MKLN1: variants seen among roughly 807,000 people sequenced by gnomAD.
The protein encoded by MKLN1 is muskelin.
In MKLN1, 18 loss-of-function variants were observed where a neutral mutation model predicts 99.0. The observed-to-expected ratio is 0.18, with a 90% CI of 0.13 to 0.27. The LOEUF is 0.27. Among genes scored for constraint, MKLN1 ranks in the 10% least tolerant of loss-of-function variants. The pLI, the probability that MKLN1 is intolerant of heterozygous loss-of-function variation, is 1.00. For synonymous variants in MKLN1, 288 were observed against 293.2 expected (o/e 0.98, Z 0.18); for missense variants, 621 against 875.9 (o/e 0.71, Z 3.67).
chr7:131,370,372 T>G (rs1800310281), intron 1 of MKLN1, among the ~76,000 whole-genome samples: 2 of 144,006 alleles, frequency 1.4e-5, no homozygotes, highest in African/African-American at 5.6e-5. Flanking sequence ...TTTAAAGTGT[T>G]TTTTTTTTTT....
chr7:131,136,882 C>T (rs901400235), intron 1 of MKLN1, among the ~76,000 whole-genome samples: 5 of 152,200 alleles, frequency 3.3e-5, no homozygotes, highest in Non-Finnish European at 7.3e-5. Context: ...AGCCCCAAAC[C>T]ACATTTGCGT....
chr7:131,232,298 A>G (rs1012597959), intron 3 of MKLN1, among the ~76,000 whole-genome samples: 9 of 152,226 alleles, frequency 5.9e-5, no homozygotes, highest in Non-Finnish European at 1.3e-4. Context: ...CAGTGATGTT[A>G]TTAAGTTTTT....
rs557823045 is a variant in MKLN1, at chr7:131,276,524, G to GA, written c.-179+73553dup. Among the ~76,000 whole-genome samples, 19 of 152,298 alleles carry GA rather than the reference G, an allele frequency of 1.2e-4. No individual in the cohort carries two copies. The South Asian group carries it at 3.9e-3, about 32-fold the overall frequency. ...TTCCAATGGCACATGAAAGGTGGGT[G>GA]AAAGTGATGTGTGTGTTGATTTGGG... On this transcript the variant is annotated intron_variant, in intron 3 of 7. Coordinates refer to the MKLN1 transcript ENST00000416992.
chr7:131,470,048 G>A (rs979598969), intron 15 of MKLN1, among the ~76,000 whole-genome samples: 2 of 151,974 alleles, frequency 1.3e-5, no homozygotes, highest in Non-Finnish European at 2.9e-5. Context: ...GCTAATTTTT[G>A]TAGAGATGGG....
intron 3 of MKLN1, among the ~76,000 whole-genome samples, chr7:131,308,944 A>G (rs1203517553): frequency 1.3e-5 from 2 of 152,216 alleles, no homozygotes; most frequent in Non-Finnish European, 2.9e-5. Flanking sequence ...CTCTGTAAAG[A>G]TGGTAGCTTG....
Position 131,494,360 on chromosome 7 carries a change from A to G in MKLN1, c.*6632A>G, listed in dbSNP as rs1464537090. ...ATAAATCTTTATAAATTCAGTTACAACAAAGGAGAGGATCCTACACCATTA... is the reference window on the plus strand; with the variant it reads ...ATAAATCTTTATAAATTCAGTTACAGCAAAGGAGAGGATCCTACACCATTA... On this transcript the variant is annotated 3_prime_UTR_variant, in exon 18 of 18. Coordinates refer to ENST00000352689, the MANE Select transcript of MKLN1 (RefSeq NM_013255.5). The G allele has an allele frequency of 6.6e-6, 1 of 152,236 alleles. No individual in the cohort carries two copies. Among genetic ancestry groups the G allele is most frequent in the African/African-American group, 2.4e-5 (1 of 41,468 alleles). 9.4% of individuals were successfully genotyped at this position (152,236 alleles called of 1,614,324 possible). A position where few individuals can be genotyped will look rare whatever the true frequency, so the allele number is the denominator to read the frequency against.
At chr7:131,176,476 T>TC (rs1796300799) in intron 2 of MKLN1, among the ~76,000 whole-genome samples, 1 of 152,216 alleles carries the variant, frequency 6.6e-6, no homozygotes. Flanking sequence ...CTATAAAGAT[T>TC]TCTTGTCTTT....
Position 131,376,701 on chromosome 7 carries a change from A to G in MKLN1, c.168+1208A>G, listed in dbSNP as rs568320759. 4.0e-5 allele frequency among the ~76,000 whole-genome samples: 6 copies of G among 151,250 alleles called. No homozygotes were observed. In the South Asian group the frequency reaches 1.2e-3, roughly 31 times the overall value. ...TATATATAATGTAAAGAATAAGACAAATAACCTGTTTATTCATCAGCCATG... is the reference window on the plus strand; with the variant it reads ...TATATATAATGTAAAGAATAAGACAGATAACCTGTTTATTCATCAGCCATG... On this transcript the variant is annotated intron_variant, in intron 2 of 17. Coordinates refer to ENST00000352689, the MANE Select transcript of MKLN1 (RefSeq NM_013255.5).
At chr7:131,319,374 C>A (rs1356068091) in intron 3 of MKLN1, among the ~76,000 whole-genome samples, 1 of 152,138 alleles carries the variant, frequency 6.6e-6, no homozygotes, top group Non-Finnish European at 1.5e-5. Flanking sequence ...ACAGAAAAGG[C>A]CTTCGATGAA....
At chr7:131,238,894 A>G (rs149564408) in intron 3 of MKLN1, among the ~76,000 whole-genome samples, 300 of 152,356 alleles carry the variant, frequency 2.0e-3, no homozygotes, top group African/African-American at 6.8e-3. Context: ...GCTGGACCTT[A>G]GAACAGAGAA....
chr7:131,245,684 T>C (rs1298334382), intron 3 of MKLN1, among the ~76,000 whole-genome samples: 2 of 152,222 alleles, frequency 1.3e-5, no homozygotes, highest in Admixed American at 6.5e-5. Flanking sequence ...GAGCATGTCA[T>C]ACAGGTTTGA....
chr7:131,120,756 T>C (rs1795355717), intron 1 of MKLN1, among the ~76,000 whole-genome samples: 1 of 152,172 alleles, frequency 6.6e-6, no homozygotes, highest in African/African-American at 2.4e-5. Flanking sequence ...AGGACTTCAC[T>C]GTCCATATCA....
At chr7:131,325,896 A>G (rs998793478), upstream of MKLN1, among the ~76,000 whole-genome samples, 15 of 133,516 alleles carry the variant, frequency 1.1e-4, no homozygotes, top group Non-Finnish European at 2.0e-4. Context: ...GCAAAGGAGA[A>G]AAGTGGGGGG....
chr7:131,484,792 T>C (rs933346140), intron 17 of MKLN1, among the ~76,000 whole-genome samples: 1 of 152,170 alleles, frequency 6.6e-6, no homozygotes, highest in East Asian at 1.9e-4. Flanking sequence ...TAGTGGTACA[T>C]ATATAGCAAA....
chr7:131,205,676 C>T (rs927492380), intron 3 of MKLN1, among the ~76,000 whole-genome samples: 3 of 152,070 alleles, frequency 2.0e-5, no homozygotes, highest in East Asian at 1.9e-4. Flanking sequence ...CCCTTCAGAT[C>T]GCTGGAGGAA....
intron 1 of MKLN1, among the ~76,000 whole-genome samples, chr7:131,329,161 C>T (rs114234426): frequency 0.015 from 2,330 of 152,308 alleles, 52 homozygotes; most frequent in African/African-American, 0.053. Flanking sequence ...TTGAGAAATT[C>T]TTCACATTTA....
At chr7:131,312,907 G>C (rs989780588) in intron 3 of MKLN1, among the ~76,000 whole-genome samples, 11 of 152,202 alleles carry the variant, frequency 7.2e-5, no homozygotes, top group African/African-American at 2.7e-4. Context: ...GTAAAGCCAA[G>C]AGGCACAGCT....
chr7:131,220,347 C>A (rs948195544), intron 3 of MKLN1, among the ~76,000 whole-genome samples: 3 of 152,114 alleles, frequency 2.0e-5, no homozygotes, highest in African/African-American at 7.2e-5. Context: ...TTTTCTGTAA[C>A]CTCAAGACGG....
In MKLN1 at chr7:131,363,157, G is replaced by A. The variant is rs183277575; in HGVS notation, c.99-12267G>A. Among the ~76,000 whole-genome samples the A allele has an allele frequency of 4.0e-5, 6 of 151,846 alleles. No individual in the cohort carries two copies. The East Asian group carries it at 9.7e-4, about 24-fold the overall frequency. On this transcript the variant is annotated intron_variant, in intron 1 of 17. Transcript: ENST00000352689. ...AGGAAGAACTTCTGTAGGAGGAGGGGATAGACCAGTGCAGTTTTTGAGCTG... is the reference window on the plus strand; with the variant it reads ...AGGAAGAACTTCTGTAGGAGGAGGGAATAGACCAGTGCAGTTTTTGAGCTG...
Sources: allele counts gnomAD v4.1 joint callset (sites outside exome capture counted in the v4.1 genomes callset), GRCh38; gene constraint gnomAD v4.1.1; transcripts MANE v1.5; gene names NCBI Gene and HGNC (gene_info 2026-07-23, HGNC 2026-07-21).